CUL2: variants seen among roughly 807,000 people sequenced by gnomAD.
The protein encoded by CUL2 is cullin 2.
Under a neutral mutation model 110.2 loss-of-function variants are expected in CUL2, and 22 were observed. The observed-to-expected ratio is 0.20, with a 90% CI of 0.14 to 0.28. CUL2 has a LOEUF of 0.28. Among genes scored for constraint, CUL2 ranks in the 10% least tolerant of loss-of-function variants. The pLI, the probability that CUL2 is intolerant of heterozygous loss-of-function variation, is 1.00. For synonymous variants in CUL2, 279 were observed against 293.2 expected (o/e 0.95, Z 0.49); for missense variants, 631 against 905.5 (o/e 0.70, Z 3.89).
intron 17 of CUL2, among the ~76,000 whole-genome samples, chr10:35,017,473 C>A (rs948551262): frequency 6.6e-6 from 1 of 152,100 alleles, no homozygotes; most frequent in Non-Finnish European, 1.5e-5. Flanking sequence ...GTGGGCAGAT[C>A]ACTTAAACCC....
rs149189736 is a variant in CUL2, at chr10:35,124,232, G to A, written c.-51+2373C>T. ...GCAGTAGTCATTGGTAGTATCTGAT[G>A]AGGAAAATAGGTCAAGTAGAATGAA... On this transcript the variant is annotated intron_variant, in intron 1 of 5. Coordinates refer to the CUL2 transcript ENST00000685421. 2.8e-3 allele frequency among the ~76,000 whole-genome samples: 420 copies of A among 152,228 alleles called. 9 individuals are homozygous for A. Among genetic ancestry groups the A allele is most frequent in the Admixed American group, 0.025 (378 of 15,276 alleles).
intron 1 of CUL2, among the ~76,000 whole-genome samples, chr10:35,077,580 G>A (rs977549255): frequency 6.6e-6 from 1 of 151,912 alleles, no homozygotes; most frequent in Non-Finnish European, 1.5e-5. Flanking sequence ...CACTTTGGGA[G>A]GCCGAGGCAG....
chr10:35,108,238 T>C (rs940385029), intron 1 of CUL2, among the ~76,000 whole-genome samples: 7 of 152,074 alleles, frequency 4.6e-5, no homozygotes, highest in Non-Finnish European at 1.0e-4. Flanking sequence ...GAGGATTGCT[T>C]GAGCCCAGGA....
At chr10:35,096,809 C>CTT (rs71523358) in intron 2 of CUL2, among the ~76,000 whole-genome samples, 11 of 133,042 alleles carry the variant, frequency 8.3e-5, no homozygotes, top group East Asian at 4.4e-4. Context: ...TTCAGGTCCA[C>CTT]TTTTTTTTTT....
intron 20 of CUL2, 38 bp downstream of exon 20, chr10:35,011,810 T>C (rs2084909283): frequency 9.1e-7 from 1 of 1,100,784 alleles, no homozygotes; most frequent in Non-Finnish European, 1.4e-6. Flanking sequence ...GACAATGCCC[T>C]CTACCCTAAG....
In CUL2 at chr10:35,109,379, T is replaced by A. The variant is rs116662207; in HGVS notation, c.-50-8319A>T. Among the ~76,000 whole-genome samples, 1,267 of 152,308 alleles carry A rather than the reference T, an allele frequency of 8.3e-3. 22 individuals are homozygous for A. The highest frequency in any genetic ancestry group is 0.028 in the African/African-American group (1,148 of 41,570). ...TTCATATATATTATGTGCCATGCAATGTTCTAGGTGCTGGGCACAATATTT... is the reference window on the plus strand; with the variant it reads ...TTCATATATATTATGTGCCATGCAAAGTTCTAGGTGCTGGGCACAATATTT... On this transcript the variant is annotated intron_variant, in intron 1 of 5. Transcript: ENST00000685421.
At chr10:35,013,393 T>C (rs1234550952) in intron 19 of CUL2, among the ~76,000 whole-genome samples, 2 of 150,738 alleles carry the variant, frequency 1.3e-5, no homozygotes, top group South Asian at 2.1e-4. Flanking sequence ...ATTTTACAAA[T>C]GAAAAATATG....
At chr10:35,071,388 A>G (rs1252075186) in intron 1 of CUL2, 49 bp from the exon 2 acceptor site, 8 of 1,511,210 alleles carry the variant, frequency 5.3e-6, no homozygotes, top group South Asian at 1.2e-5. Flanking sequence ...CCATGAGCTT[A>G]GTTTTTTTGT....
At chr10:35,022,921 T>G (rs2085238754) in intron 17 of CUL2, among the ~76,000 whole-genome samples, 1 of 152,172 alleles carries the variant, frequency 6.6e-6, no homozygotes, top group South Asian at 2.1e-4. Context: ...AGTGTGTGCC[T>G]GTAATCCCAG....
intron 2 of CUL2, among the ~76,000 whole-genome samples, chr10:35,097,001 G>T (rs1441432613): frequency 6.6e-6 from 1 of 151,836 alleles, no homozygotes; most frequent in Non-Finnish European, 1.5e-5. Context: ...GTAGAGACGG[G>T]GTTTCACCAT....
intron 2 of CUL2, among the ~76,000 whole-genome samples, chr10:35,068,332 G>GA (rs1253054876): frequency 1.3e-5 from 2 of 152,100 alleles, no homozygotes; most frequent in Non-Finnish European, 2.9e-5. Flanking sequence ...TGAGGTATGA[G>GA]AATCACTTGA....
intron 4 of CUL2, among the ~76,000 whole-genome samples, chr10:35,057,659 A>G (rs1361318379): frequency 4.0e-5 from 6 of 151,392 alleles, no homozygotes; most frequent in South Asian, 4.2e-4. Flanking sequence ...TCTGAAAAAA[A>G]AAAAAAAGAA....
At chr10:35,072,203 T>C (rs932433052) in intron 1 of CUL2, among the ~76,000 whole-genome samples, 1 of 152,016 alleles carries the variant, frequency 6.6e-6, no homozygotes, top group Non-Finnish European at 1.5e-5. Flanking sequence ...GAGTAGAATA[T>C]AAAATTCACA....
At chr10:35,097,882 C>T (rs1320550444) in intron 2 of CUL2, 7 of 152,070 alleles carry the variant, frequency 4.6e-5, no homozygotes, top group African/African-American at 1.4e-4. Flanking sequence ...TCACTTGAGC[C>T]CAGGAGGCAG....
At position 35,031,582 on chromosome 10, in the gene CUL2, G is replaced by A. The variant is rs190367917; in HGVS notation, c.1208C>T (p.Ala403Val). Reference protein sequence around the residue: ...KYCDNLLKKSAKGMTENEVED... With the variant: ...KYCDNLLKKSVKGMTENEVED... ...CACTTCATTCTCTGTCATCCCTTTC[G>A]CTGACTTCTTCAGTAAGTTGTCACA... Residue 403 changes from alanine to valine, a missense_variant, in exon 13 of 21, where the codon GCG becomes GTG. By Grantham distance (64) the Ala-to-Val change is moderately conservative. This residue lies in a region of CUL2 where 134 missense variants were observed against 260.4 expected (regional missense o/e 0.51). Coordinates refer to ENST00000374749, the MANE Select transcript of CUL2 (RefSeq NM_003591.4). The surrounding 1 kb of genome is among the most constrained non-coding windows in gnomAD (Gnocchi z 4.4). 199 of 1,613,844 alleles carry A rather than the reference G, an allele frequency of 1.2e-4. No individual in the cohort carries two copies. Among genetic ancestry groups the A allele is most frequent in the Non-Finnish European group, 1.6e-4 (188 of 1,179,864 alleles).
At chr10:35,033,972 TGAGA>T (rs1205521804) in intron 10 of CUL2, among the ~76,000 whole-genome samples, 2 of 152,124 alleles carry the variant, frequency 1.3e-5, no homozygotes, top group African/African-American at 4.8e-5. Flanking sequence ...CACTAAAGGC[TGAGA>T]GAAAGGAGAG....
chr10:35,021,911 C>T (rs7074917), intron 17 of CUL2, among the ~76,000 whole-genome samples: 96 of 77,834 alleles, frequency 1.2e-3, no homozygotes, highest in Middle Eastern at 0.014. Flanking sequence ...TGAGGTGGGG[C>T]GAAGTGGGGC....
intron 19 of CUL2, among the ~76,000 whole-genome samples, chr10:35,013,358 A>C (rs2084951557): frequency 6.6e-6 from 1 of 152,014 alleles, no homozygotes; most frequent in Non-Finnish European, 1.5e-5. Flanking sequence ...AAAAAAAAAA[A>C]AAATGAACTG....
chr10:35,010,435 C>T lies in CUL2; in HGVS notation c.2114G>A (p.Ser705Asn). 6.2e-7 allele frequency: 1 copy of T among 1,606,106 alleles called. No individual in the cohort carries two copies. The highest frequency in any genetic ancestry group is 8.5e-7 in the Non-Finnish European group (1 of 1,176,374). ...RHNALIQEVI[S>N]QSRARFNPSI... ...GGGATTAAACCTAGCTCTTGACTGG[C>T]TAATCACCTGTGGAAGAGATGTGGA... Residue 705 changes from serine to asparagine, a missense_variant, in exon 21 of 21, where the codon AGC becomes AAC. Ser to Asn is a conservative substitution (Grantham distance 46). Coordinates refer to ENST00000374749, the MANE Select transcript of CUL2 (RefSeq NM_003591.4).
Sources: gnomAD v4.1 joint callset for allele counts (sites outside exome capture counted in the v4.1 genomes callset) on GRCh38, gnomAD v4.1.1 for gene constraint, gnomAD v4.1.1 regional missense constraint, Gnocchi (gnomAD v3.1) non-coding constraint, MANE v1.5 for transcripts, NCBI Gene and HGNC (gene_info 2026-07-23, HGNC 2026-07-21) for gene names.